Variants in ZZEF1 observed in about 807,000 individuals in gnomAD.
The protein encoded by ZZEF1 is zinc finger ZZ-type and EF-hand domain-containing protein 1.
Under a neutral mutation model 342.8 loss-of-function variants are expected in ZZEF1, and 157 were observed. That is an observed-to-expected ratio of 0.46 (90% confidence interval 0.40 to 0.52). The LOEUF (loss-of-function observed/expected upper bound fraction) is 0.52. Ranked by LOEUF, ZZEF1 falls within the 20% of genes least tolerant of loss-of-function variation. The pLI is 0.00. For missense variants in ZZEF1, 3,480 were observed against 3,725.6 expected, an observed-to-expected ratio of 0.93 and a Z score of 1.72; for synonymous variants, 1,505 against 1,429.1, an observed-to-expected ratio of 1.05 and a Z score of -1.20.
chr17:4,087,416 T>C lies in ZZEF1; in HGVS notation c.2342+18A>G, dbSNP rs377529238. The C allele has an allele frequency of 6.8e-5, 108 of 1,592,038 alleles. No individual in the cohort carries two copies. The African/African-American group carries it at 1.3e-3, about 20-fold the overall frequency. The stretch of plus-strand genomic sequence containing the variant: ...TTCAGTTTATGTGCTTATCACCTTA[T>C]AACAAATTCTGACCTACTTTTGCTT... On this transcript the variant is annotated intron_variant, in intron 14 of 54. Transcript: ENST00000381638.
At chr17:4,096,576 A>G (rs981994216) in intron 10 of ZZEF1, 33 bp downstream of exon 10, 4 of 1,587,126 alleles carry the variant, frequency 2.5e-6, no homozygotes, top group Admixed American at 3.4e-5. Context: ...CAAAAGTAGT[A>G]ACATTGCTTA....
chr17:4,036,801 ACACACACACACACACACTCTCT>A (rs1252154314), intron 39 of ZZEF1, among the ~76,000 whole-genome samples: 158 of 108,950 alleles, frequency 1.5e-3, no homozygotes, highest in African/African-American at 5.7e-3. Context: ...ACACACACAC[ACACACACACACACACACTCTCT>A]CTCTCTCTCT....
rs78037138 is a variant in ZZEF1 at position 4,073,797 on chromosome 17, A to C, written c.3685+353T>G. On this transcript the variant is annotated intron_variant, in intron 24 of 54. Transcript: ENST00000381638. ...TCACATATCTACATATATTTACATA[A>C]ATATTCACATATTTAAAGGATATGC... 5.4e-3 allele frequency among the ~76,000 whole-genome samples: 827 copies of C among 152,272 alleles called. 11 individuals carry two copies. Among genetic ancestry groups the C allele is most frequent in the African/African-American group, 0.019 (792 of 41,550 alleles).
chr17:4,096,908 T>C (rs1457166750), intron 9 of ZZEF1, among the ~76,000 whole-genome samples: 1 of 152,048 alleles, frequency 6.6e-6, no homozygotes, highest in Non-Finnish European at 1.5e-5. Flanking sequence ...AGGTTCAACT[T>C]TCCCAGGGCA....
intron 42 of ZZEF1, among the ~76,000 whole-genome samples, chr17:4,031,892 C>A (rs1382693056): frequency 2.6e-5 from 4 of 151,946 alleles, no homozygotes; most frequent in Admixed American, 2.6e-4. Flanking sequence ...ATCTAGCCAA[C>A]CAAAAAACAC....
chr17:4,136,659 C>T (rs1021107559), intron 1 of ZZEF1, among the ~76,000 whole-genome samples: 6 of 152,114 alleles, frequency 3.9e-5, no homozygotes, highest in South Asian at 2.1e-4. Context: ...ATTACACACC[C>T]GTCCAGGTTG....
intron 53 of ZZEF1, 31 bp downstream of exon 53, chr17:4,009,573 C>T (rs1283349552): frequency 3.1e-6 from 5 of 1,611,312 alleles, no homozygotes; most frequent in South Asian, 1.1e-5. Context: ...CATGGAGGCA[C>T]CGGGCTCCCT....
intron 44 of ZZEF1, chr17:4,022,401 C>A: frequency 4.2e-6 from 1 of 236,704 alleles, no homozygotes; most frequent in Non-Finnish European, 8.3e-6. Flanking sequence ...CTGAAAGCAA[C>A]TTTAAAGGGA....
intron 2 of ZZEF1, among the ~76,000 whole-genome samples, chr17:4,123,268 C>CATATATATATATATAT (rs60101709): frequency 8.2e-5 from 7 of 85,336 alleles, no homozygotes; most frequent in Non-Finnish European, 1.4e-4. Flanking sequence ...TTATCATAAC[C>CATATATATATATATAT]ATATATATAT....
intron 31 of ZZEF1, 87 bp from the exon 32 acceptor site, chr17:4,058,242 C>A: frequency 7.1e-7 from 1 of 1,406,504 alleles, no homozygotes; most frequent in South Asian, 1.5e-5. Context: ...ACCTGGTTTG[C>A]AATTGAAAGC....
At chr17:4,020,676 T>C (rs954424184) in intron 45 of ZZEF1, among the ~76,000 whole-genome samples, 1 of 152,238 alleles carries the variant, frequency 6.6e-6, no homozygotes, top group African/African-American at 2.4e-5. Flanking sequence ...ACATTCTGTT[T>C]ACTCTTCATT....
At chr17:4,009,861 G>A in intron 52 of ZZEF1, 104 bp from the exon 53 acceptor site, 1 of 1,345,308 alleles carries the variant, frequency 7.4e-7, no homozygotes, top group Non-Finnish European at 1.0e-6. Flanking sequence ...CTCTCCCACA[G>A]CTGGTACAAA....
Position 4,016,415 on chromosome 17 carries a change from C to T in ZZEF1, c.8053G>A (p.Ala2685Thr), listed in dbSNP as rs1269396728. ...GCREDMLGTM[A>T]LAACQFMEEP... The stretch of plus-strand genomic sequence containing the variant: ...TCCATGAACTGGCATGCAGCCAGGG[C>T]CATGGTCCCCAGCATGTCCTCTCGG... The change falls in exon 49 of 55, where the codon GCC (alanine) becomes ACC (threonine). Residue 2685 changes from alanine (A) to threonine (T), a missense_variant. Transcript: ENST00000381638. The surrounding 1 kb of genome is among the most constrained non-coding windows in gnomAD (Gnocchi z 4.4). 3 of 1,614,040 alleles carry T rather than the reference C, an allele frequency of 1.9e-6. No individual in the cohort carries two copies. The highest frequency in any genetic ancestry group is 1.7e-5 in the Admixed American group (1 of 60,020).
intron 35 of ZZEF1, among the ~76,000 whole-genome samples, chr17:4,051,390 G>A (rs2057042486): frequency 6.6e-6 from 1 of 152,088 alleles, no homozygotes; most frequent in South Asian, 2.1e-4. Flanking sequence ...ATGTAGGAAG[G>A]AAATAATTTA....
At position 4,094,062 on chromosome 17, in the gene ZZEF1, T is replaced by C. The variant is rs372534676; in HGVS notation, c.1913+1769A>G. Among the ~76,000 whole-genome samples, 11 of 152,268 alleles carry C rather than the reference T, an allele frequency of 7.2e-5. No homozygotes were observed. In the East Asian group the frequency reaches 1.2e-3, roughly 16 times the overall value. ...GTTTTCCTTGTTGCCCCTTAAAGCC[T>C]GGTGTGTCTCATGTTGACCTAAGTT... is the stretch of plus-strand genomic sequence containing the variant. On this transcript the variant is annotated intron_variant, in intron 11 of 54. Transcript: ENST00000381638.
In ZZEF1 at chr17:4,016,907, G is replaced by A; in HGVS notation, c.8002-441C>T. 5.1e-6 allele frequency: 1 copy of A among 196,058 alleles called. No homozygotes were observed. 12.1% of individuals were successfully genotyped at this position (196,058 alleles called of 1,614,324 possible). On this transcript the variant is annotated intron_variant, in intron 48 of 54. Coordinates refer to ENST00000381638, the MANE Select transcript of ZZEF1 (RefSeq NM_015113.4). This position sits in a 1 kb window ranked among gnomAD's most constrained non-coding sequence, Gnocchi z 4.4. ...TAGTAGAGGCAGGGTGGCTCCCTCT[G>A]TCCCTTCCGAAAGATAGATATGCTA...
chr17:4,114,246 GAAGAA>G lies in ZZEF1; in HGVS notation c.866+48_866+52del. 3.6e-6 allele frequency: 5 copies of G among 1,380,142 alleles called. No homozygotes were observed. The South Asian group carries it at 9.5e-5, about 26-fold the overall frequency. The allele number at this position is 1,380,142 out of a possible 1,614,324, so 85.5% of individuals were successfully genotyped here. On this transcript the variant is annotated intron_variant, in intron 4 of 54. Transcript: ENST00000381638. ...TAAAATACAAAGAGTAGGCAGTTAAGAAGAAAACAATCCAAAATTTTAAAAAACAA... is the reference window on the plus strand; with the variant it reads ...TAAAATACAAAGAGTAGGCAGTTAAGAACAATCCAAAATTTTAAAAAACAA...
intron 51 of ZZEF1, 21 bp from the exon 52 acceptor site, chr17:4,013,635 C>A (rs765327037): frequency 1.3e-6 from 2 of 1,599,996 alleles, no homozygotes; most frequent in Non-Finnish European, 1.7e-6. Context: ...CCCCAAAACA[C>A]GGATATATAA....
chr17:4,088,730 G>A lies in ZZEF1; in HGVS notation c.2189C>T (p.Ala730Val). The A allele has an allele frequency of 6.2e-7, 1 of 1,614,206 alleles. No individual in the cohort carries two copies. Among genetic ancestry groups the A allele is most frequent in the Middle Eastern group, 1.7e-4 (1 of 6,054 alleles). The change falls in exon 13 of 55, where the codon GCC becomes GTC. Residue 730 changes from alanine to valine, a missense_variant. Transcript: ENST00000381638. ...RKDTEESVCGATLLLRTLQFI... is the reference protein window; with the variant it reads ...RKDTEESVCGVTLLLRTLQFI... ...CTGAAGGGTCCTGAGGAGCAACGTG[G>A]CCCCACAGACACTCTCCTCTGTGTC...
Sources: allele counts gnomAD v4.1 joint callset (sites outside exome capture counted in the v4.1 genomes callset), GRCh38; gene constraint gnomAD v4.1.1; non-coding constraint Gnocchi (gnomAD v3.1); transcripts MANE v1.5; gene names NCBI Gene and HGNC (gene_info 2026-07-23, HGNC 2026-07-21).